The following RUNX1T1 variants were observed in gnomAD, a reference collection of about 807,000 sequenced individuals.
RUNX1T1 encodes RUNX1 partner transcriptional co-repressor 1, also known as protein CBFA2T1.
In RUNX1T1, 4 loss-of-function variants were observed where a neutral mutation model predicts 62.8. The ratio of observed to expected loss-of-function variants is 0.06; its 90% CI spans 0.03 to 0.15. RUNX1T1 has a LOEUF of 0.15. Ranked by LOEUF, RUNX1T1 falls within the 10% of genes least tolerant of loss-of-function variation. The pLI is 1.00. For synonymous variants in RUNX1T1, 291 were observed against 286.0 expected (o/e 1.02, Z -0.18); for missense variants, 508 against 754.3 (o/e 0.67, Z 3.82).
chr8:91,974,248 A>G (rs1285555210), intron 9 of RUNX1T1, among the ~76,000 whole-genome samples: 1 of 152,146 alleles, frequency 6.6e-6, no homozygotes, highest in Non-Finnish European at 1.5e-5. Context: ...TCTGCGTCCA[A>G]TTGCTTACCA....
In RUNX1T1 at chr8:91,962,395, T is replaced by C. The variant is rs3779765; in HGVS notation, c.1459-1878A>G. ...ACTATTGCTGAGGAAATCTAGAAACTTGGTTGATATGTCAAAAAATGTCAT... is the reference window on the plus strand; with the variant it reads ...ACTATTGCTGAGGAAATCTAGAAACCTGGTTGATATGTCAAAAAATGTCAT... On this transcript the variant is annotated intron_variant, in intron 10 of 10. Transcript: ENST00000396218. Among the ~76,000 whole-genome samples the C allele has an allele frequency of 4.3e-4, 66 of 152,314 alleles. No individual in the cohort carries two copies. In the East Asian group the frequency reaches 0.011, roughly 25 times the overall value.
chr8:92,102,423 G>GAA (rs1020530151), upstream of RUNX1T1, among the ~76,000 whole-genome samples: 4 of 100,444 alleles, frequency 4.0e-5, no homozygotes, highest in Middle Eastern at 5.5e-3. The surrounding 1 kb of genome is among the most constrained non-coding windows in gnomAD (Gnocchi z 4.5). Context: ...AAAAAGAAAA[G>GAA]AAAAAAAAAA....
intron 2 of RUNX1T1, among the ~76,000 whole-genome samples, chr8:92,072,671 A>C (rs1330530113): frequency 6.6e-6 from 1 of 152,250 alleles, no homozygotes; most frequent in Admixed American, 6.5e-5. Context: ...GATTTCACGC[A>C]TCACACTGAC....
intron 5 of RUNX1T1, among the ~76,000 whole-genome samples, chr8:91,993,832 A>C (rs1818163735): frequency 6.6e-6 from 1 of 152,080 alleles, no homozygotes; most frequent in Non-Finnish European, 1.5e-5. Context: ...CCTCTACTAA[A>C]TATACAAAAA....
At chr8:91,961,023 C>A (rs1371561149) in intron 10 of RUNX1T1, among the ~76,000 whole-genome samples, 1 of 152,208 alleles carries the variant, frequency 6.6e-6, no homozygotes, top group African/African-American at 2.4e-5. Flanking sequence ...CTATTCCCTG[C>A]TCCTTCAGAC....
At position 91,992,663 on chromosome 8, in the gene RUNX1T1, G is replaced by T. The variant is rs1261937814; in HGVS notation, c.660-774C>A. On this transcript the variant is annotated intron_variant, in intron 5 of 10. Transcript: ENST00000396218. The stretch of plus-strand genomic sequence containing the variant: ...TCAGCAGTCATACAGAGCTAGCCTG[G>T]CCTAGAAGGAAGATCTAGGTCAACC... Among the ~76,000 whole-genome samples, 7 of 152,228 alleles carry T rather than the reference G, an allele frequency of 4.6e-5. No homozygotes were observed. In the East Asian group the frequency reaches 1.4e-3, roughly 30 times the overall value.
At chr8:92,098,999 G>C (rs1837917335) in intron 1 of RUNX1T1, among the ~76,000 whole-genome samples, 1 of 152,128 alleles carries the variant, frequency 6.6e-6, no homozygotes, top group Non-Finnish European at 1.5e-5. Context: ...AAGTGAAGTT[G>C]GAAGGTGTCT....
chr8:92,045,993 CAAGG>C (rs1829328544), intron 1 of RUNX1T1, among the ~76,000 whole-genome samples: 1 of 151,964 alleles, frequency 6.6e-6, no homozygotes, highest in South Asian at 2.1e-4. Context: ...TAAGTGGGTC[CAAGG>C]AAATTACTCA....
chr8:92,087,398 G>GT (rs2130870572), intron 1 of RUNX1T1, among the ~76,000 whole-genome samples: 1 of 4,588 alleles, frequency 2.2e-4, no homozygotes, highest in Non-Finnish European at 3.2e-4. Context: ...CTCCTCCAAA[G>GT]TCTTTTCCAC....
chr8:91,975,001 T>C (rs181030527), intron 9 of RUNX1T1, among the ~76,000 whole-genome samples: 207 of 152,338 alleles, frequency 1.4e-3, no homozygotes, highest in African/African-American at 4.9e-3. Context: ...CCCCTGACTC[T>C]TCAATTTGCA....
chr8:91,975,842 A>G (rs1813810642), intron 9 of RUNX1T1, 63 bp downstream of exon 10: 16 of 1,061,880 alleles, frequency 1.5e-5, no homozygotes, highest in Non-Finnish European at 2.2e-5. Flanking sequence ...TCCTCACATC[A>G]CTACATTAAC....
chr8:92,095,692 G>T, intron 1 of RUNX1T1: 1 of 804,316 alleles, frequency 1.2e-6, no homozygotes, highest in Non-Finnish European at 1.8e-6. Flanking sequence ...AGGGATGGAG[G>T]AGGGGGCGGG....
intron 4 of RUNX1T1, among the ~76,000 whole-genome samples, chr8:92,009,488 T>C (rs1469424022): frequency 6.6e-6 from 1 of 152,162 alleles, no homozygotes; most frequent in Non-Finnish European, 1.5e-5. Flanking sequence ...GGTAACCATA[T>C]GGTGTGCAGC....
chr8:92,102,598 C>T (rs1838091644), upstream of RUNX1T1, among the ~76,000 whole-genome samples: 1 of 152,048 alleles, frequency 6.6e-6, no homozygotes, highest in African/African-American at 2.4e-5. The surrounding 1 kb of genome is among the most constrained non-coding windows in gnomAD (Gnocchi z 4.5). Context: ...TTTTAAAAGA[C>T]ACTGTGGGGA....
chr8:92,089,581 C>A (rs1197942146), intron 1 of RUNX1T1, among the ~76,000 whole-genome samples: 1 of 152,056 alleles, frequency 6.6e-6, no homozygotes, highest in Non-Finnish European at 1.5e-5. Context: ...CAGCCCCTAG[C>A]CCCTCACTCC....
At chr8:92,059,402 G>A (rs1297219176) in intron 1 of RUNX1T1, among the ~76,000 whole-genome samples, 1 of 151,976 alleles carries the variant, frequency 6.6e-6, no homozygotes, top group East Asian at 1.9e-4. Flanking sequence ...TTTCATTTCT[G>A]TTTTTTTACA....
downstream of RUNX1T1, chr8:91,956,503 T>G (rs1809412505): frequency 4.5e-6 from 1 of 223,384 alleles, no homozygotes; most frequent in Non-Finnish European, 8.9e-6. Context: ...GATCCAGATT[T>G]TTTTCAACTT....
intron 1 of RUNX1T1, among the ~76,000 whole-genome samples, chr8:92,040,289 T>G (rs2130093545): frequency 6.6e-6 from 1 of 152,298 alleles, no homozygotes; most frequent in African/African-American, 2.4e-5. Flanking sequence ...TTACATACAT[T>G]TATTAGCAAA....
At chr8:91,971,045 C>A in intron 9 of RUNX1T1, 197 bp from the exon 11 acceptor site, 1 of 429,912 alleles carries the variant, frequency 2.3e-6, no homozygotes, top group South Asian at 7.2e-5. Flanking sequence ...TGCCCACTAT[C>A]TGATTACTTT....
Sources: gnomAD v4.1 joint callset for allele counts (sites outside exome capture counted in the v4.1 genomes callset) on GRCh38, gnomAD v4.1.1 for gene constraint, Gnocchi (gnomAD v3.1) non-coding constraint, MANE v1.5 for transcripts, NCBI Gene and HGNC (gene_info 2026-07-23, HGNC 2026-07-21) for gene names.